The following PTPN13 variants were observed in gnomAD, a reference collection of about 807,000 sequenced individuals.
PTPN13 encodes tyrosine-protein phosphatase non-receptor type 13.
PTPN13 carries 191 observed loss-of-function variants against 284.0 expected under a neutral mutation model. The observed-to-expected ratio is 0.67, with a 90% CI of 0.60 to 0.76. The LOEUF is 0.76. Ranked by LOEUF, PTPN13 falls within the 30% of genes least tolerant of loss-of-function variation. The pLI is 0.00. For synonymous variants in PTPN13, 986 were observed against 1,022.3 expected, an observed-to-expected ratio of 0.96 and a Z score of 0.68; for missense variants, 2,797 against 2,939.9, an observed-to-expected ratio of 0.95 and a Z score of 1.12.
At position 86,734,391 on chromosome 4, in the gene PTPN13, A is replaced by G; in HGVS notation, c.1947A>G (p.Lys649=). The stretch of plus-strand genomic sequence containing the variant: ...AAGAAGAACCAAAGAAAAAGACCAA[A>G]GCCACTGTTAATTTTACTTTGTTTT... ...GWKEEPKKKT[K]ATVNFTLFFR... Residue 649 remains lysine (K), a synonymous_variant, in exon 13 of 48, where the codon AAA becomes AAG. Transcript: ENST00000411767. 1 of 1,561,222 alleles carries G rather than the reference A, an allele frequency of 6.4e-7. No homozygotes were observed. Among genetic ancestry groups the G allele is most frequent in the Non-Finnish European group, 8.7e-7 (1 of 1,150,702 alleles).
chr4:86,651,417 C>T (rs1250309086), intron 2 of PTPN13, among the ~76,000 whole-genome samples: 1 of 151,904 alleles, frequency 6.6e-6, no homozygotes, highest in Non-Finnish European at 1.5e-5. Flanking sequence ...CTCCCTCCCT[C>T]CGTCCTTCCC....
At chr4:86,687,641 A>G (rs894697134) in intron 4 of PTPN13, among the ~76,000 whole-genome samples, 3 of 152,122 alleles carry the variant, frequency 2.0e-5, no homozygotes, top group Non-Finnish European at 4.4e-5. Context: ...ATTTTATATC[A>G]TGAAAAATAA....
Position 86,803,738 on chromosome 4 carries a change from G to A in PTPN13, c.6535G>A (p.Ala2179Thr), listed in dbSNP as rs190309813. The A allele has an allele frequency of 5.1e-5, 83 of 1,613,658 alleles. No homozygotes were observed. The highest frequency in any genetic ancestry group is 2.7e-4 in the African/African-American group (20 of 75,008). Residue 2179 changes from alanine to threonine, a missense_variant, in exon 43 of 48, where the codon GCT becomes ACT. Ala to Thr is a moderately conservative substitution (Grantham distance 58). Coordinates refer to ENST00000411767, the MANE Select transcript of PTPN13 (RefSeq NM_080683.3). ...TTCCTTTCTGACAAACGATGAGCTC[G>A]CTGTACTCCCTGTCGTCAAAGTGCT... ...DHSFLTNDEL[A>T]VLPVVKVLPS...
chr4:86,808,842 G>A (rs1744923263), intron 45 of PTPN13, among the ~76,000 whole-genome samples: 1 of 152,148 alleles, frequency 6.6e-6, no homozygotes, highest in Non-Finnish European at 1.5e-5. Context: ...TATTGATAGT[G>A]CTGTGGAAAA....
rs141559744 is a variant in PTPN13, at chr4:86,617,035, T to C, written c.-5-18217T>C. 1.1e-4 allele frequency among the ~76,000 whole-genome samples: 17 copies of C among 152,202 alleles called. No individual in the cohort carries two copies. The East Asian group carries it at 2.7e-3, about 24-fold the overall frequency. On this transcript the variant is annotated intron_variant, in intron 1 of 47. Transcript: ENST00000411767. ...TTGAGTAGGAATTTAAAATTTTTAT[T>C]CTAAGTGTGATGGGAAGCCACGAAG... is the stretch of plus-strand genomic sequence containing the variant.
At chr4:86,597,942 T>C (rs1327543385) in intron 1 of PTPN13, among the ~76,000 whole-genome samples, 1 of 152,200 alleles carries the variant, frequency 6.6e-6, no homozygotes, top group Non-Finnish European at 1.5e-5. Context: ...AATCCTGCTT[T>C]TTTAATTTTT....
intron 1 of PTPN13, among the ~76,000 whole-genome samples, chr4:86,605,068 G>A (rs1343552864): frequency 6.6e-6 from 1 of 151,898 alleles, no homozygotes; most frequent in Non-Finnish European, 1.5e-5. Flanking sequence ...AAAGATAAGA[G>A]TAAGTGAATT....
rs1014334674 is a variant in PTPN13, at chr4:86,775,662, AATT to A, written c.5891+14_5891+16del. On this transcript the variant is annotated intron_variant, in intron 35 of 47. Transcript: ENST00000411767. Reference sequence around the variant, plus strand: ...TATTGAAAGCAACAAGGTACTCTGCAATTATTTATGAGTTTTGATTGTGCGTGT... The same window carrying A: ...TATTGAAAGCAACAAGGTACTCTGCAATTTATGAGTTTTGATTGTGCGTGT... 6.3e-7 allele frequency: 1 copy of A among 1,599,444 alleles called. No individual in the cohort carries two copies. The highest frequency in any genetic ancestry group is 1.3e-5 in the African/African-American group (1 of 74,778).
intron 7 of PTPN13, among the ~76,000 whole-genome samples, chr4:86,714,863 G>C (rs991123097): frequency 6.6e-6 from 1 of 152,070 alleles, no homozygotes; most frequent in African/African-American, 2.4e-5. Flanking sequence ...TTTAGTTGAG[G>C]AAACAAACAA....
chr4:86,665,093 G>A (rs766323384), intron 2 of PTPN13, among the ~76,000 whole-genome samples: 1 of 152,002 alleles, frequency 6.6e-6, no homozygotes, highest in East Asian at 1.9e-4. Flanking sequence ...TTAGTGTTTT[G>A]TTGCCAAGTA....
rs146960780 is a variant in PTPN13 at position 86,676,942 on chromosome 4, C to T, written c.294+4399C>T. On this transcript the variant is annotated intron_variant, in intron 3 of 47. Coordinates refer to ENST00000411767, the MANE Select transcript of PTPN13 (RefSeq NM_080683.3). Reference sequence around the variant, plus strand: ...TGAAAAAGTTCCAGAGATTGTTGCACAACAGTGTAAATATGCTTAACACTA... The same window carrying T: ...TGAAAAAGTTCCAGAGATTGTTGCATAACAGTGTAAATATGCTTAACACTA... Among the ~76,000 whole-genome samples the T allele has an allele frequency of 3.3e-3, 509 of 152,164 alleles. 1 individual carries two copies. The highest frequency in any genetic ancestry group is 0.012 in the African/African-American group (492 of 41,528).
At chr4:86,778,725 T>TA (rs1241883352) in intron 35 of PTPN13, among the ~76,000 whole-genome samples, 3 of 151,730 alleles carry the variant, frequency 2.0e-5, no homozygotes, top group Non-Finnish European at 2.9e-5. Context: ...TTTCTTTCTT[T>TA]AAAAAAAAGT....
intron 15 of PTPN13, among the ~76,000 whole-genome samples, chr4:86,739,315 T>C (rs2149160399): frequency 6.6e-6 from 1 of 152,192 alleles, no homozygotes; most frequent in East Asian, 1.9e-4. Context: ...GATAAAGACA[T>C]ATACCCGAGA....
intron 40 of PTPN13, among the ~76,000 whole-genome samples, chr4:86,795,578 A>G (rs1419455812): frequency 6.6e-6 from 1 of 152,240 alleles, no homozygotes; most frequent in African/African-American, 2.4e-5. Flanking sequence ...TACCATAAAG[A>G]CACATGCACA....
intron 1 of PTPN13, among the ~76,000 whole-genome samples, chr4:86,625,959 G>A (rs1254914247): frequency 6.6e-6 from 1 of 152,164 alleles, no homozygotes; most frequent in Non-Finnish European, 1.5e-5. Context: ...AAGATCAGCA[G>A]TATCCTAAAG....
chr4:86,649,360 G>C (rs1172893880), intron 2 of PTPN13, among the ~76,000 whole-genome samples: 2 of 152,106 alleles, frequency 1.3e-5, no homozygotes, highest in Admixed American at 1.3e-4. Flanking sequence ...CATTGTTCCA[G>C]GTCTTAGATT....
At chr4:86,812,966 G>T (rs1187575926) in intron 47 of PTPN13, among the ~76,000 whole-genome samples, 1 of 152,084 alleles carries the variant, frequency 6.6e-6, no homozygotes, top group Non-Finnish European at 1.5e-5. Context: ...GGTAAGTGTG[G>T]ACAGAGTGAA....
At chr4:86,769,482 C>T (rs1174192178) in intron 28 of PTPN13, among the ~76,000 whole-genome samples, 2 of 152,068 alleles carry the variant, frequency 1.3e-5, no homozygotes, top group Non-Finnish European at 2.9e-5. Context: ...TCTTTTAAAA[C>T]ACACAAGTTT....
intron 35 of PTPN13, among the ~76,000 whole-genome samples, chr4:86,776,481 A>C (rs762654819): frequency 2.0e-5 from 3 of 152,232 alleles, no homozygotes; most frequent in Non-Finnish European, 2.9e-5. Context: ...TTAAGCAAGT[A>C]CTGTGTACCA....
Sources: allele counts gnomAD v4.1 joint callset (sites outside exome capture counted in the v4.1 genomes callset), GRCh38; gene constraint gnomAD v4.1.1; transcripts MANE v1.5; gene names NCBI Gene and HGNC (gene_info 2026-07-23, HGNC 2026-07-21).